Variants in ARHGDIB observed in about 807,000 individuals in gnomAD.
ARHGDIB encodes rho GDP-dissociation inhibitor 2.
In ARHGDIB, 20 loss-of-function variants were observed where a neutral mutation model predicts 22.6. The observed-to-expected ratio is 0.88, with a 90% CI of 0.62 to 1.28. ARHGDIB has a LOEUF of 1.28. ARHGDIB is among the 50% of genes most tolerant of loss of function. The pLI is 0.00. For synonymous variants in ARHGDIB, 114 were observed against 96.1 expected (o/e 1.19, Z -1.09); for missense variants, 254 against 245.4 (o/e 1.04, Z -0.23).
chr12:14,944,843 C>T lies in ARHGDIB; in HGVS notation c.343-4G>A. ...CTGACACAATATCCCTGTTCACCTG[C>T]AGGTGGGAAGGAACCAAGATGTTCA... is the stretch of plus-strand genomic sequence containing the variant. On this transcript the variant is annotated splice_region_variant and splice_polypyrimidine_tract_variant and intron_variant, in intron 4 of 5. Coordinates refer to ENST00000228945, the MANE Select transcript of ARHGDIB (RefSeq NM_001175.7). The T allele has an allele frequency of 6.2e-7, 1 of 1,612,744 alleles. No homozygotes were observed. Among genetic ancestry groups the T allele is most frequent in the Admixed American group, 1.7e-5 (1 of 59,836 alleles).
intron 5 of ARHGDIB, among the ~76,000 whole-genome samples, chr12:14,943,182 T>C (rs930569788): frequency 8.5e-5 from 13 of 152,134 alleles, no homozygotes; most frequent in African/African-American, 3.1e-4. Flanking sequence ...GGCATCTTTT[T>C]AAAAAAATTA....
intron 4 of ARHGDIB, among the ~76,000 whole-genome samples, chr12:14,945,734 C>A (rs1364471586): frequency 2.0e-5 from 3 of 152,202 alleles, no homozygotes; most frequent in Non-Finnish European, 4.4e-5. Context: ...AACCAATCAA[C>A]CAGTGCTATC....
intron 3 of ARHGDIB, among the ~76,000 whole-genome samples, chr12:14,949,472 T>C (rs1412604486): frequency 6.6e-6 from 1 of 152,180 alleles, no homozygotes. Flanking sequence ...ACCTTATAAC[T>C]TCAGAAGCAC....
chr12:14,950,560 C>T lies in ARHGDIB; in HGVS notation c.153G>A (p.Thr51=), dbSNP rs200119691. ...TCACCACAGGACCATCTCCCAGCAG[C>T]GTTTTCTTGTACTTAATTAGACTCT... ...DDESLIKYKK[T]LLGDGPVVTD... The change falls in exon 2 of 6, where the codon ACG becomes ACA. Residue 51 remains threonine, a synonymous_variant. Transcript: ENST00000228945. 2.5e-5 allele frequency: 41 copies of T among 1,613,736 alleles called. No homozygotes were observed. The highest frequency in any genetic ancestry group is 3.3e-5 in the Non-Finnish European group (39 of 1,179,774).
At chr12:14,953,841 T>C (rs1278589391) in intron 1 of ARHGDIB, among the ~76,000 whole-genome samples, 1 of 148,524 alleles carries the variant, frequency 6.7e-6, no homozygotes, top group Admixed American at 6.6e-5. Flanking sequence ...CTCTCTCTCT[T>C]TCTCTTTCTC....
At chr12:14,952,800 T>C (rs554406656) in intron 1 of ARHGDIB, among the ~76,000 whole-genome samples, 8 of 152,328 alleles carry the variant, frequency 5.3e-5, no homozygotes, top group South Asian at 2.1e-4. Flanking sequence ...CCAGCCCCCA[T>C]GGTCAGGCCT....
At chr12:14,950,993 G>T (rs895616509) in intron 1 of ARHGDIB, 35 of 256,336 alleles carry the variant, frequency 1.4e-4, no homozygotes, top group Non-Finnish European at 2.1e-4. Flanking sequence ...TCACTCATAT[G>T]TGAATAACGT....
chr12:14,950,376 A>C (rs914704513), intron 2 of ARHGDIB, among the ~76,000 whole-genome samples, 156 bp downstream of exon 2: 1 of 152,204 alleles, frequency 6.6e-6, no homozygotes, highest in Middle Eastern at 3.2e-3. Flanking sequence ...TTAATTATAC[A>C]GTTCATAACT....
intron 5 of ARHGDIB, 151 bp downstream of exon 5, chr12:14,944,625 C>G (rs1395372356): frequency 1.5e-6 from 1 of 645,590 alleles, no homozygotes; most frequent in Non-Finnish European, 2.6e-6. Context: ...ATGTCTATAT[C>G]AGAGGTGTAT....
chr12:14,957,300 T>C (rs1864323047), intron 1 of ARHGDIB, among the ~76,000 whole-genome samples: 1 of 152,204 alleles, frequency 6.6e-6, no homozygotes, highest in South Asian at 2.1e-4. Flanking sequence ...AGAATAGATG[T>C]TCCGTGAATA....
rs1863898034 is a variant in ARHGDIB, at chr12:14,942,716, T to C, written c.412A>G (p.Lys138Glu). 1 of 1,613,898 alleles carries C rather than the reference T, an allele frequency of 6.2e-7. No individual in the cohort carries two copies. Among genetic ancestry groups the C allele is most frequent in the East Asian group, 2.2e-5 (1 of 44,876 alleles). Reference sequence around the variant, plus strand: ...TAGCTGCCAACCATAAATGTTGCTTTATCCACTAAGAAGAAAGAAGAGTTC... The same window carrying C: ...TAGCTGCCAACCATAAATGTTGCTTCATCCACTAAGAAGAAAGAAGAGTTC... ...HTYRTGVKVD[K>E]ATFMVGSYGP... Residue 138 changes from lysine to glutamate, a missense_variant, in exon 6 of 6, where the codon AAA (lysine) becomes GAA (glutamate). By Grantham distance (56) the Lys-to-Glu change is moderately conservative. Coordinates refer to ENST00000228945, the MANE Select transcript of ARHGDIB (RefSeq NM_001175.7).
intron 1 of ARHGDIB, among the ~76,000 whole-genome samples, chr12:14,958,438 CT>C (rs1186584562): frequency 6.6e-6 from 1 of 152,160 alleles, no homozygotes; most frequent in African/African-American, 2.4e-5. Context: ...TACCATTTGT[CT>C]TTGTGAGAGA....
chr12:14,950,361 A>G (rs1200130438), intron 2 of ARHGDIB, among the ~76,000 whole-genome samples, 171 bp downstream of exon 2: 2 of 152,236 alleles, frequency 1.3e-5, no homozygotes, highest in Admixed American at 6.5e-5. Context: ...ATCTCTTAAG[A>G]AGACTTAATT....
At chr12:14,946,217 G>A (rs1319272610) in intron 4 of ARHGDIB, among the ~76,000 whole-genome samples, 9 of 152,192 alleles carry the variant, frequency 5.9e-5, no homozygotes, top group Non-Finnish European at 1.3e-4. Context: ...ATGAATCAAA[G>A]TGAGAGCTGT....
rs1592288572 is a variant in ARHGDIB, at chr12:14,948,085, T to G, written c.266-136A>C. On this transcript the variant is annotated intron_variant, in intron 3 of 5. Coordinates refer to ENST00000228945, the MANE Select transcript of ARHGDIB (RefSeq NM_001175.7). ...ACAGGGCCCTCAATTCACAGAGTAT[T>G]TGAGTTTAGTCCTTGCACACACACA... The G allele has an allele frequency of 1.3e-5, 8 of 623,694 alleles. No individual in the cohort carries two copies. In the East Asian group the frequency reaches 2.0e-4, roughly 16 times the overall value. 38.6% of individuals were successfully genotyped at this position (623,694 alleles called of 1,614,324 possible).
intron 1 of ARHGDIB, among the ~76,000 whole-genome samples, chr12:14,953,313 T>C (rs1592293283): frequency 6.6e-6 from 1 of 152,176 alleles, no homozygotes; most frequent in Non-Finnish European, 1.5e-5. Context: ...GACCAGGTGA[T>C]CCCAAACTAG....
intron 4 of ARHGDIB, among the ~76,000 whole-genome samples, chr12:14,945,503 A>G (rs975030433): frequency 1.8e-4 from 28 of 152,252 alleles, no homozygotes; most frequent in Non-Finnish European, 3.4e-4. Flanking sequence ...GGACAGCCCA[A>G]GAACTTTGTT....
Position 14,947,922 on chromosome 12 carries a change from G to A in ARHGDIB, c.293C>T (p.Thr98Ile). Residue 98 changes from threonine (T) to isoleucine (I), a missense_variant, in exon 4 of 6, where the codon ACC becomes ATC. Transcript: ENST00000228945. Reference sequence around the variant, plus strand: ...TTCAGAACCTTCCTTTAACACAATGGTTTCCTTTTTGAGGGCTTCCAGATC... The same window carrying A: ...TTCAGAACCTTCCTTTAACACAATGATTTCCTTTTTGAGGGCTTCCAGATC... ...TGDLEALKKE[T>I]IVLKEGSEYR... 5 of 1,613,102 alleles carry A rather than the reference G, an allele frequency of 3.1e-6. No individual in the cohort carries two copies. The highest frequency in any genetic ancestry group is 1.1e-5 in the South Asian group (1 of 91,060).
intron 3 of ARHGDIB, chr12:14,948,822 G>A (rs1864093404): frequency 6.6e-6 from 1 of 152,408 alleles, no homozygotes; most frequent in African/African-American, 2.4e-5. Flanking sequence ...GGAAGACTCT[G>A]AGTTCTGGTG....
Sources: allele counts gnomAD v4.1 joint callset (sites outside exome capture counted in the v4.1 genomes callset), GRCh38; gene constraint gnomAD v4.1.1; transcripts MANE v1.5; gene names NCBI Gene and HGNC (gene_info 2026-07-23, HGNC 2026-07-21).